Variants in RPS6KC1 observed in about 807,000 individuals in gnomAD.
RPS6KC1 encodes the protein inactive ribosomal protein S6 kinase delta-1.
Under a neutral mutation model 103.8 loss-of-function variants are expected in RPS6KC1, and 54 were observed. That is an observed-to-expected ratio of 0.52 (90% CI 0.42 to 0.65). The LOEUF (loss-of-function observed/expected upper bound fraction) is 0.65. Ranked by LOEUF, RPS6KC1 falls within the 30% of genes least tolerant of loss-of-function variation. The pLI is 0.00. For synonymous variants in RPS6KC1, 439 were observed against 438.7 expected, an observed-to-expected ratio of 1.00 and a Z score of -0.01; for missense variants, 1,151 against 1,253.8, an observed-to-expected ratio of 0.92 and a Z score of 1.24.
At chr1:213,506,849 AAGAATT>A in the RPS6KC1 span, among the ~76,000 whole-genome samples, 1 of 152,218 alleles carries the variant, frequency 6.6e-6, no homozygotes, top group Non-Finnish European at 1.5e-5. Flanking sequence ...GGGATTTTAA[AAGAATT>A]AGTGATAATA....
intron 8 of RPS6KC1, among the ~76,000 whole-genome samples, chr1:213,182,443 A>T (rs899189465): frequency 2.8e-4 from 43 of 152,220 alleles, no homozygotes; most frequent in African/African-American, 9.6e-4. Flanking sequence ...GTGAAATGAG[A>T]TCATGCCACC....
At chr1:213,554,711 G>A in the RPS6KC1 span, among the ~76,000 whole-genome samples, 22 of 151,890 alleles carry the variant, frequency 1.4e-4, no homozygotes, top group Admixed American at 1.4e-3. Flanking sequence ...TGAACTTCTT[G>A]TTTAACCACC....
intron 4 of RPS6KC1, among the ~76,000 whole-genome samples, chr1:213,108,850 G>A (rs1441997986): frequency 1.3e-4 from 20 of 151,722 alleles, no homozygotes; most frequent in Admixed American, 1.3e-3. Flanking sequence ...GGTTCTCACT[G>A]TGTTGCCCAG....
At chr1:213,500,265 G>A in the RPS6KC1 span, among the ~76,000 whole-genome samples, 8 of 151,938 alleles carry the variant, frequency 5.3e-5, no homozygotes, top group African/African-American at 1.7e-4. Flanking sequence ...ACACACATTA[G>A]TCTGGGCCTA....
chr1:213,792,861 T>C, the RPS6KC1 span, among the ~76,000 whole-genome samples: 2 of 125,708 alleles, frequency 1.6e-5, no homozygotes, highest in African/African-American at 6.2e-5. Flanking sequence ...CACACAAAGG[T>C]CACCTGGCCT....
At chr1:213,496,186 CAAAAG>C in the RPS6KC1 span, among the ~76,000 whole-genome samples, 2 of 151,146 alleles carry the variant, frequency 1.3e-5, no homozygotes, top group African/African-American at 4.9e-5. Context: ...AATAAGAAAA[CAAAAG>C]AAAAAGCATA....
chr1:213,407,982 T>C, the RPS6KC1 span, among the ~76,000 whole-genome samples: 2 of 152,356 alleles, frequency 1.3e-5, no homozygotes, highest in African/African-American at 4.8e-5. Flanking sequence ...ATTTATTGAA[T>C]GAATTCCCAT....
the RPS6KC1 span, among the ~76,000 whole-genome samples, chr1:213,542,141 CTG>C: frequency 6.6e-6 from 1 of 152,186 alleles, no homozygotes; most frequent in East Asian, 1.9e-4. Context: ...GACAGTGACT[CTG>C]TGGCACAGCA....
chr1:213,433,616 G>A, the RPS6KC1 span, among the ~76,000 whole-genome samples: 4 of 152,202 alleles, frequency 2.6e-5, no homozygotes, highest in Admixed American at 6.5e-5. Flanking sequence ...AGTTCCAGTT[G>A]CTGCGTATTC....
chr1:213,051,281 A>T lies in RPS6KC1; in HGVS notation c.-124A>T. 1.5e-6 allele frequency: 1 copy of T among 662,856 alleles called. No individual in the cohort carries two copies. The highest frequency in any genetic ancestry group is 2.6e-6 in the Non-Finnish European group (1 of 382,936). 41.1% of individuals were successfully genotyped at this position (662,856 alleles called of 1,614,324 possible). On this transcript the variant is annotated 5_prime_UTR_variant, in exon 1 of 15. Transcript: ENST00000366960. ...CTGTGCAGCTGAGGCGCCGCCGTGG[A>T]GCCGCCTTGGAGCCACCGCCCCCTC...
intron 8 of RPS6KC1, among the ~76,000 whole-genome samples, chr1:213,193,626 T>A (rs1225342438): frequency 1.3e-5 from 2 of 151,536 alleles, no homozygotes; most frequent in African/African-American, 4.8e-5. Context: ...AGGTCTATAG[T>A]TTTTTTTAGT....
the RPS6KC1 span, among the ~76,000 whole-genome samples, chr1:213,357,951 T>C: frequency 6.6e-6 from 1 of 152,190 alleles, no homozygotes; most frequent in East Asian, 1.9e-4. Context: ...GATTTGCGTA[T>C]GTTGAACCAG....
the RPS6KC1 span, among the ~76,000 whole-genome samples, chr1:213,680,105 C>A: frequency 6.6e-6 from 1 of 151,972 alleles, no homozygotes; most frequent in African/African-American, 2.4e-5. Context: ...AAAGAAGGAA[C>A]GATCCAGAAT....
intron 7 of RPS6KC1, among the ~76,000 whole-genome samples, chr1:213,168,936 G>C (rs2148193299): frequency 6.6e-6 from 1 of 152,188 alleles, no homozygotes; most frequent in African/African-American, 2.4e-5. Flanking sequence ...TTCATATCCA[G>C]CTCTGCCACT....
At chr1:213,213,908 G>A (rs1197807243) in intron 8 of RPS6KC1, among the ~76,000 whole-genome samples, 2 of 152,212 alleles carry the variant, frequency 1.3e-5, no homozygotes, top group Admixed American at 6.5e-5. Flanking sequence ...GTTCCAAGAT[G>A]GCCGAATAGG....
intron 8 of RPS6KC1, among the ~76,000 whole-genome samples, chr1:213,226,493 T>A (rs2093966252): frequency 6.6e-6 from 1 of 152,176 alleles, no homozygotes; most frequent in African/African-American, 2.4e-5. Flanking sequence ...ATCTGAAAAA[T>A]AATAAAAGTC....
the RPS6KC1 span, among the ~76,000 whole-genome samples, chr1:213,562,028 G>C: frequency 3.9e-5 from 6 of 152,154 alleles, no homozygotes; most frequent in Non-Finnish European, 7.4e-5. Flanking sequence ...CTTTGACCTT[G>C]AGCAGCATCT....
At chr1:213,673,100 T>C in the RPS6KC1 span, among the ~76,000 whole-genome samples, 1 of 152,166 alleles carries the variant, frequency 6.6e-6, no homozygotes, top group Non-Finnish European at 1.5e-5. Flanking sequence ...AGACCGAAGT[T>C]TCCATGTGAC....
At chr1:213,415,987 T>G in the RPS6KC1 span, among the ~76,000 whole-genome samples, 3 of 152,164 alleles carry the variant, frequency 2.0e-5, no homozygotes, top group Admixed American at 2.0e-4. Flanking sequence ...ACGGAGAAGC[T>G]CTGGAAAGGA....
Sources: gnomAD v4.1 joint callset for allele counts (sites outside exome capture counted in the v4.1 genomes callset) on GRCh38, gnomAD v4.1.1 for gene constraint, MANE v1.5 for transcripts, NCBI Gene and HGNC (gene_info 2026-07-23, HGNC 2026-07-21) for gene names.